Variants in PCSK7 observed in about 807,000 individuals in gnomAD.
PCSK7 encodes the protein lymphoma proprotein convertase.
In PCSK7, 38 loss-of-function variants were observed where a neutral mutation model predicts 73.3. The ratio of observed to expected loss-of-function variants is 0.52; its 90% CI spans 0.40 to 0.68. The LOEUF (loss-of-function observed/expected upper bound fraction) is 0.68. Ranked by LOEUF, PCSK7 falls within the 30% of genes least tolerant of loss-of-function variation. The pLI is 0.00. For synonymous variants in PCSK7, 296 were observed against 383.8 expected (o/e 0.77, Z 2.68); for missense variants, 692 against 991.5 (o/e 0.70, Z 4.06).
chr11:117,225,809 T>A, intron 6 of PCSK7, 122 bp downstream of exon 6: 5 of 677,542 alleles, frequency 7.4e-6, no homozygotes, highest in East Asian at 5.3e-5. Flanking sequence ...ATGGACTTAT[T>A]AGCTGAACCC....
intron 3 of PCSK7, among the ~76,000 whole-genome samples, chr11:117,228,612 C>CTTTTT (rs751494008): frequency 1.5e-5 from 2 of 132,096 alleles, no homozygotes; most frequent in African/African-American, 2.8e-5. Flanking sequence ...TGATACACTT[C>CTTTTT]TTTTTTTTTT....
intron 9 of PCSK7, chr11:117,222,055 G>A (rs2032219735): frequency 6.6e-6 from 1 of 152,250 alleles, no homozygotes; most frequent in Non-Finnish European, 1.5e-5. Flanking sequence ...CCAGCAGGAA[G>A]ACAAAGCAGC....
chr11:117,214,409 G>A (rs1289176215), intron 12 of PCSK7: 1 of 140,862 alleles, frequency 7.1e-6, no homozygotes, highest in African/African-American at 2.8e-5. Flanking sequence ...GGATGATGTA[G>A]AGTGAGGAAA....
intron 3 of PCSK7, among the ~76,000 whole-genome samples, 187 bp from the exon 4 acceptor site, chr11:117,228,537 T>C (rs926175947): frequency 6.6e-5 from 10 of 151,884 alleles, no homozygotes; most frequent in Non-Finnish European, 1.5e-4. Flanking sequence ...CCTTGGATTC[T>C]AGGAAAGTTT....
In PCSK7 at chr11:117,216,990, C is replaced by CTT. The variant is rs367787578; in HGVS notation, c.1534+1475_1534+1476insAA. On this transcript the variant is annotated intron_variant, in intron 12 of 16. Transcript: ENST00000320934. ...CCCAAGGAGCTGGGGGTAGGGAAAACTCTGGTAAAACTTTTGCTTGCTGCC... is the reference window on the plus strand; with the variant it reads ...CCCAAGGAGCTGGGGGTAGGGAAAACTTTCTGGTAAAACTTTTGCTTGCTGCC... 356 of 152,198 alleles carry CTT rather than the reference C, an allele frequency of 2.3e-3. 1 individual carries two copies. Among genetic ancestry groups the CTT allele is most frequent in the African/African-American group, 8.2e-3 (340 of 41,510 alleles). 9.4% of individuals were successfully genotyped at this position (152,198 alleles called of 1,614,324 possible).
chr11:117,215,364 T>TTTTTTTTTGTGTGTGTGTGTG (rs57433360), intron 12 of PCSK7: 2 of 84,920 alleles, frequency 2.4e-5, no homozygotes, highest in African/African-American at 1.5e-4. Flanking sequence ...CCTGGCTAAT[T>TTTTTTTTTGTGTGTGTGTGTG]TGTGTGTGTG....
chr11:117,219,989 T>C (rs1009626090), intron 9 of PCSK7: 21 of 376,588 alleles, frequency 5.6e-5, no homozygotes, highest in Non-Finnish European at 4.7e-6. Context: ...GAGTTCAAAG[T>C]TGTTATGGGG....
intron 9 of PCSK7, chr11:117,221,226 A>G (rs2032177859): frequency 6.6e-6 from 1 of 152,216 alleles, no homozygotes; most frequent in South Asian, 2.1e-4. Flanking sequence ...AGCAGCTGCC[A>G]AGAGATGTAA....
intron 9 of PCSK7, 137 bp from the exon 10 acceptor site, chr11:117,219,895 C>T (rs1807718631): frequency 1.8e-6 from 1 of 560,380 alleles, no homozygotes; most frequent in South Asian, 2.9e-5. Flanking sequence ...GACTGTGCCA[C>T]TGCACTCCAG....
At chr11:117,221,483 T>A (rs1464460099) in intron 9 of PCSK7, 4 of 152,178 alleles carry the variant, frequency 2.6e-5, no homozygotes, top group Non-Finnish European at 2.9e-5. Context: ...GGGAGCCAAA[T>A]GGTGGGAAGC....
At chr11:117,230,188 C>T (rs2134336813) in intron 2 of PCSK7, 161 bp downstream of exon 2, 1 of 262,874 alleles carries the variant, frequency 3.8e-6, no homozygotes, top group East Asian at 7.3e-5. Flanking sequence ...GGGCTCAAAG[C>T]ACACATCGCT....
intron 9 of PCSK7, chr11:117,222,439 C>T (rs191489224): frequency 6.6e-6 from 1 of 152,286 alleles, no homozygotes; most frequent in African/African-American, 2.4e-5. Flanking sequence ...CCCATAAAAA[C>T]GACAACCAGA....
chr11:117,229,328 G>T, intron 3 of PCSK7, 49 bp downstream of exon 3: 2 of 1,397,922 alleles, frequency 1.4e-6, no homozygotes, highest in Non-Finnish European at 2.0e-6. Context: ...TTAAAGAACT[G>T]GACTGGAACC....
intron 12 of PCSK7, chr11:117,212,724 T>A (rs1408251034): frequency 1.3e-5 from 2 of 149,952 alleles, no homozygotes; most frequent in African/African-American, 4.9e-5. Flanking sequence ...TCTTTTTTTT[T>A]TTTTTTTTGA....
At chr11:117,215,584 G>T (rs1315584604) in intron 12 of PCSK7, 1 of 150,602 alleles carries the variant, frequency 6.6e-6, no homozygotes, top group African/African-American at 2.4e-5. Flanking sequence ...TGTATTTGTA[G>T]TAGAGATGGG....
chr11:117,206,120 A>C lies in PCSK7; in HGVS notation c.2235T>G (p.Ser745=), dbSNP rs2031359266. The C allele has an allele frequency of 1.9e-6, 3 of 1,600,678 alleles. No homozygotes were observed. The highest frequency in any genetic ancestry group is 2.6e-6 in the Non-Finnish European group (3 of 1,170,852). ...CCAGCAGGTCTGGGGCAAGGAGGTCAGAGGTGGTGGGAGGGCCCCTGCTCT... is the reference window on the plus strand; with the variant it reads ...CCAGCAGGTCTGGGGCAAGGAGGTCCGAGGTGGTGGGAGGGCCCCTGCTCT... ...ETESRGPPTT[S]DLLAPDLLEQ... is the part of the protein sequence containing the mutation. Residue 745 remains serine, a synonymous_variant, in exon 17 of 17, where the codon TCT becomes TCG. Coordinates refer to ENST00000320934, the MANE Select transcript of PCSK7 (RefSeq NM_004716.4).
intron 4 of PCSK7, among the ~76,000 whole-genome samples, chr11:117,227,966 A>G (rs1229942813): frequency 6.6e-6 from 1 of 152,188 alleles, no homozygotes; most frequent in African/African-American, 2.4e-5. Flanking sequence ...ACAAGAGGGA[A>G]GTTGCCTGCA....
In PCSK7 at chr11:117,218,246, A is replaced by G. The variant is rs569019151; in HGVS notation, c.1534+220T>C. The G allele has an allele frequency of 3.9e-6, 1 of 257,092 alleles. No individual in the cohort carries two copies. Among genetic ancestry groups the G allele is most frequent in the East Asian group, 7.1e-5 (1 of 14,088 alleles). 15.9% of individuals were successfully genotyped at this position (257,092 alleles called of 1,614,324 possible). A position where few individuals can be genotyped will look rare whatever the true frequency, so the allele number is the denominator to read the frequency against. ...CTCAGTTGCTCTGCTGCTCCTTTTC[A>G]CTACTAGGAACCCAGGAGAAAGGTC... On this transcript the variant is annotated intron_variant, in intron 12 of 16. Transcript: ENST00000320934. This position sits in a 1 kb window ranked among gnomAD's most constrained non-coding sequence, Gnocchi z 4.0.
Position 117,218,380 on chromosome 11 carries a change from C to A in PCSK7, c.1534+86G>T. On this transcript the variant is annotated intron_variant, in intron 12 of 16. Transcript: ENST00000320934. This position sits in a 1 kb window ranked among gnomAD's most constrained non-coding sequence, Gnocchi z 4.0. Reference sequence around the variant, plus strand: ...GCTCAGCTCCGAAAGGGGGTAGAATCTGGCAGGGAGGACGAGTTTAACTTC... The same window carrying A: ...GCTCAGCTCCGAAAGGGGGTAGAATATGGCAGGGAGGACGAGTTTAACTTC... The A allele has an allele frequency of 1.5e-6, 1 of 687,190 alleles. No homozygotes were observed. The highest frequency in any genetic ancestry group is 2.4e-6 in the Non-Finnish European group (1 of 413,880). The allele number at this position is 687,190 out of a possible 1,614,324, so 42.6% of individuals were successfully genotyped here.
Sources: gnomAD v4.1 joint callset for allele counts (sites outside exome capture counted in the v4.1 genomes callset) on GRCh38, gnomAD v4.1.1 for gene constraint, Gnocchi (gnomAD v3.1) non-coding constraint, MANE v1.5 for transcripts, NCBI Gene and HGNC (gene_info 2026-07-23, HGNC 2026-07-21) for gene names.